Variants in TTBK2 observed in about 807,000 individuals in gnomAD.
TTBK2 encodes the protein tau-tubulin kinase 2.
In TTBK2, 28 loss-of-function variants were observed where a neutral mutation model predicts 110.8. That is an observed-to-expected ratio of 0.25 (90% CI 0.19 to 0.35). The LOEUF is 0.35. TTBK2 is among the 10% of genes least tolerant of loss of function. The pLI is 1.00. For missense variants in TTBK2, 1,369 were observed against 1,500.3 expected, an observed-to-expected ratio of 0.91 and a Z score of 1.45; for synonymous variants, 532 against 527.3, an observed-to-expected ratio of 1.01 and a Z score of -0.12.
intron 1 of TTBK2, 85 bp from the exon 2 acceptor site, chr15:42,878,769 C>T: frequency 6.7e-7 from 1 of 1,490,118 alleles, no homozygotes; most frequent in South Asian, 1.2e-5. Context: ...GGAAGCACTA[C>T]TAATACTATA....
chr15:42,891,399 C>A (rs1295624625), intron 1 of TTBK2, among the ~76,000 whole-genome samples: 1 of 151,860 alleles, frequency 6.6e-6, no homozygotes, highest in East Asian at 1.9e-4. Flanking sequence ...GTCTTGAACT[C>A]CTAGACTCAA....
At position 42,827,944 on chromosome 15, in the gene TTBK2, C is replaced by T. The variant is rs372449271; in HGVS notation, c.521G>A (p.Cys174Tyr). 2 of 1,613,464 alleles carry T rather than the reference C, an allele frequency of 1.2e-6. No individual in the cohort carries two copies. The highest frequency in any genetic ancestry group is 1.7e-5 in the Admixed American group (1 of 60,004). Reference sequence around the variant, plus strand: ...AAATCTTACTGGTCTGACGTCACCACAGGAATTGGTAAATTGTCGAGCCAA... The same window carrying T: ...AAATCTTACTGGTCTGACGTCACCATAGGAATTGGTAAATTGTCGAGCCAA... The part of the protein sequence containing the change: ...FGLARQFTNS[C>Y]GDVRPPRAVA... The change falls in exon 6 of 15, where the codon TGT (cysteine) becomes TAT (tyrosine). Residue 174 changes from cysteine (C) to tyrosine (Y), a missense_variant. By Grantham distance (194) the Cys-to-Tyr change is radical. Coordinates refer to ENST00000267890, the MANE Select transcript of TTBK2 (RefSeq NM_173500.4).
intron 1 of TTBK2, among the ~76,000 whole-genome samples, chr15:42,913,063 T>G (rs967097736): frequency 7.1e-6 from 1 of 140,824 alleles, no homozygotes; most frequent in Non-Finnish European, 1.5e-5. Context: ...AAGCGGAGCT[T>G]GCAGTGAGCC....
chr15:42,815,958 A>AAAAT (rs71108183), intron 7 of TTBK2, among the ~76,000 whole-genome samples: 2 of 91,694 alleles, frequency 2.2e-5, no homozygotes, highest in African/African-American at 1.2e-4. Context: ...TTAAAAAAAA[A>AAAAT]ATATATATAT....
Position 42,864,452 on chromosome 15 carries a change from C to T in TTBK2, c.217+8159G>A, listed in dbSNP as rs1894283064. Among the ~76,000 whole-genome samples the T allele has an allele frequency of 2.0e-5, 3 of 152,028 alleles. No individual in the cohort carries two copies. The South Asian group carries it at 6.2e-4, about 32-fold the overall frequency. On this transcript the variant is annotated intron_variant, in intron 3 of 14. Transcript: ENST00000267890. ...ATACAAAATTAGCCAGGCATGGTGGCACATGCCTGTAATCGCAAATACTCG... is the reference window on the plus strand; with the variant it reads ...ATACAAAATTAGCCAGGCATGGTGGTACATGCCTGTAATCGCAAATACTCG...
intron 1 of TTBK2, among the ~76,000 whole-genome samples, chr15:42,897,958 G>A (rs1351113893): frequency 1.3e-5 from 2 of 152,026 alleles, no homozygotes; most frequent in African/African-American, 4.8e-5. Context: ...GGGAGGCCAA[G>A]GCAGGCAGAT....
intron 9 of TTBK2, chr15:42,800,891 T>TGTGTTCCCC: frequency 1.6e-6 from 1 of 638,292 alleles, no homozygotes; most frequent in Non-Finnish European, 2.8e-6. Context: ...TCCCGTTCCC[T>TGTGTTCCCC]GTGTTCCCCT....
chr15:42,894,609 T>C (rs8036278), intron 1 of TTBK2, among the ~76,000 whole-genome samples: 5,256 of 152,100 alleles, frequency 0.035, 291 homozygotes, highest in African/African-American at 0.12. Context: ...AAAAATTAGC[T>C]GGACATGGTG....
chr15:42,830,135 A>T (rs1387485619), intron 4 of TTBK2, 57 bp from the exon 5 acceptor site: 1 of 1,603,452 alleles, frequency 6.2e-7, no homozygotes, highest in Non-Finnish European at 8.5e-7. Context: ...GTATAAGAGA[A>T]GACTGGGAAA....
At position 42,915,148 on chromosome 15, in the gene TTBK2, G is replaced by A. The variant is rs539221982; in HGVS notation, c.-68+5290C>T. ...AACCACAGTCCAAAAATATTAAATG[G>A]AGAATTCCAGAAATAAACAATTCAT... On this transcript the variant is annotated intron_variant, in intron 1 of 14. Transcript: ENST00000267890. 2.0e-5 allele frequency among the ~76,000 whole-genome samples: 3 copies of A among 152,318 alleles called. No homozygotes were observed. The East Asian group carries it at 5.8e-4, about 29-fold the overall frequency.
At chr15:42,750,736 G>C (rs1161151222) in intron 14 of TTBK2, among the ~76,000 whole-genome samples, 2 of 152,016 alleles carry the variant, frequency 1.3e-5, no homozygotes, top group Non-Finnish European at 2.9e-5. Context: ...AAAGTCATAA[G>C]AGACATGAAT....
At chr15:42,830,313 G>A (rs780360480) in intron 4 of TTBK2, among the ~76,000 whole-genome samples, 1 of 151,820 alleles carries the variant, frequency 6.6e-6, no homozygotes, top group Non-Finnish European at 1.5e-5. Flanking sequence ...TCAGCCTCCC[G>A]AGTAGCTGGG....
chr15:42,760,049 G>T (rs1463629951), intron 13 of TTBK2, among the ~76,000 whole-genome samples: 1 of 152,116 alleles, frequency 6.6e-6, no homozygotes, highest in East Asian at 1.9e-4. Context: ...AAATTCAACA[G>T]AAATAGATAT....
intron 9 of TTBK2, among the ~76,000 whole-genome samples, chr15:42,800,773 A>AAAG (rs1404080948): frequency 1.3e-5 from 2 of 152,106 alleles, no homozygotes; most frequent in East Asian, 3.9e-4. Context: ...AAAAAAAAAA[A>AAAG]AAGCAATTGA....
chr15:42,915,942 CA>C (rs1340963241), intron 1 of TTBK2, among the ~76,000 whole-genome samples: 1 of 150,274 alleles, frequency 6.7e-6, no homozygotes, highest in African/African-American at 2.5e-5. Flanking sequence ...ACCCTGTCTC[CA>C]AAAAAAGAAA....
intron 6 of TTBK2, among the ~76,000 whole-genome samples, chr15:42,821,499 A>G (rs1285693377): frequency 2.0e-5 from 3 of 152,184 alleles, no homozygotes; most frequent in Non-Finnish European, 4.4e-5. Context: ...TACCATCACA[A>G]CTAAGATATC....
At chr15:42,877,462 AC>A (rs940755483) in intron 2 of TTBK2, among the ~76,000 whole-genome samples, 2 of 151,478 alleles carry the variant, frequency 1.3e-5, no homozygotes, top group African/African-American at 4.9e-5. Context: ...CAGACAAATC[AC>A]CTAATTTCTT....
At chr15:42,863,593 T>G (rs1309356412) in intron 3 of TTBK2, among the ~76,000 whole-genome samples, 2 of 152,132 alleles carry the variant, frequency 1.3e-5, no homozygotes, top group Non-Finnish European at 2.9e-5. Flanking sequence ...ATTCTAAAAT[T>G]CATATGGAAC....
intron 4 of TTBK2, among the ~76,000 whole-genome samples, chr15:42,831,943 T>G (rs1349899347): frequency 2.0e-5 from 3 of 152,214 alleles, no homozygotes. Flanking sequence ...AGTAATAAAC[T>G]CTTAGATTAA....
Sources: allele counts gnomAD v4.1 joint callset (sites outside exome capture counted in the v4.1 genomes callset), GRCh38; gene constraint gnomAD v4.1.1; transcripts MANE v1.5; gene names NCBI Gene and HGNC (gene_info 2026-07-23, HGNC 2026-07-21).